Variants in DOCK11 observed in about 807,000 individuals in gnomAD.
The protein encoded by DOCK11 is dedicator of cytokinesis 11.
Under a neutral mutation model 169.1 loss-of-function variants are expected in DOCK11, and 70 were observed. The observed-to-expected ratio is 0.41, with a 90% CI of 0.34 to 0.51. The LOEUF (loss-of-function observed/expected upper bound fraction) is 0.51, where lower values mean the gene tolerates loss of function less well. DOCK11 is among the 20% of genes least tolerant of loss of function. DOCK11 has a pLI of 0.10. For synonymous variants in DOCK11, 529 were observed against 541.3 expected (o/e 0.98, Z 0.32); for missense variants, 1,166 against 1,538.8 (o/e 0.76, Z 4.05).
At chrX:118,568,225 T>C (rs965696985) in intron 10 of DOCK11, 63 bp downstream of exon 10, 4 of 664,191 alleles carry the variant, frequency 6.0e-6, no homozygotes, top group Admixed American at 3.8e-5. Flanking sequence ...AACAACATCT[T>C]TGAAATGTTG....
chrX:118,651,812 C>G, intron 41 of DOCK11, 152 bp from the exon 42 acceptor site: 1 of 337,113 alleles, frequency 3.0e-6, no homozygotes, highest in Non-Finnish European at 5.3e-6. Flanking sequence ...AGAATGTAAA[C>G]CCCTCATGTA....
chrX:118,576,352 C>T (rs774878814), intron 12 of DOCK11, among the ~76,000 whole-genome samples: 4 of 111,534 alleles, frequency 3.6e-5, no homozygotes, highest in South Asian at 3.8e-4. Context: ...TTGTCCTAAA[C>T]GGCCAGACCT....
In DOCK11 at chrX:118,671,041, C is replaced by T. The variant is rs756123732; in HGVS notation, c.5095C>T (p.Leu1699=). The change falls in exon 46 of 53, where the codon CTA becomes TTA. Residue 1699 remains leucine, a synonymous_variant. Transcript: ENST00000276202. ...AATGCAGGAGGTCTTGCTGGAGTTG[C>T]TAGAACAATGTGTGGATGGCTTATG... ...HYSEEVLLEL[L]EQCVDGLWKA... is the part of the protein sequence containing the mutation. 1 of 1,196,515 alleles carries T rather than the reference C, an allele frequency of 8.4e-7. No individual in the cohort carries two copies. The highest frequency in any genetic ancestry group is 1.1e-6 in the Non-Finnish European group (1 of 886,426).
intron 28 of DOCK11, among the ~76,000 whole-genome samples, chrX:118,612,243 A>G (rs1421024748): frequency 1.8e-5 from 2 of 112,119 alleles, no homozygotes; most frequent in African/African-American, 3.2e-5. Flanking sequence ...TAGGTTTCAC[A>G]CATCTTGAGT....
At chrX:118,521,292 G>T (rs983072616) in intron 1 of DOCK11, among the ~76,000 whole-genome samples, 1 of 112,197 alleles carries the variant, frequency 8.9e-6, no homozygotes, top group Non-Finnish European at 1.9e-5. Flanking sequence ...AAATAGGAGT[G>T]ATGGTGATAA....
intron 24 of DOCK11, among the ~76,000 whole-genome samples, chrX:118,606,813 T>C (rs926441277): frequency 3.6e-5 from 4 of 111,602 alleles, no homozygotes; most frequent in Non-Finnish European, 7.5e-5. Flanking sequence ...TTGTTAATCA[T>C]TGAGCTTCAC....
intron 1 of DOCK11, among the ~76,000 whole-genome samples, chrX:118,503,191 C>G (rs1306022169): frequency 1.9e-5 from 2 of 107,665 alleles, no homozygotes; most frequent in Admixed American, 1.0e-4. Flanking sequence ...TCCTGAGTAG[C>G]TGGGATTACA....
chrX:118,542,248 ACAACCT>A (rs1157689639), intron 1 of DOCK11, among the ~76,000 whole-genome samples: 2 of 107,468 alleles, frequency 1.9e-5, no homozygotes. Flanking sequence ...ACGGATCACT[ACAACCT>A]CAACCTCCCA....
intron 18 of DOCK11, 26 bp downstream of exon 18, chrX:118,588,504 A>G (rs745664925): frequency 5.3e-6 from 6 of 1,122,491 alleles, no homozygotes; most frequent in Non-Finnish European, 5.9e-6. Context: ...TGATAGGCAT[A>G]TGTTTTTAGT....
intron 41 of DOCK11, among the ~76,000 whole-genome samples, chrX:118,649,712 A>C (rs1471451236): frequency 3.6e-5 from 4 of 110,140 alleles, no homozygotes; most frequent in Admixed American, 9.7e-5. Flanking sequence ...ACGGGGTTTC[A>C]CCATGTTGGC....
intron 12 of DOCK11, among the ~76,000 whole-genome samples, chrX:118,576,464 A>G (rs767286107): frequency 1.8e-5 from 2 of 112,168 alleles, no homozygotes; most frequent in South Asian, 7.5e-4. Context: ...AACAACCCCA[A>G]AGAGTGTCCC....
At chrX:118,545,035 C>T (rs1167248090) in intron 4 of DOCK11, among the ~76,000 whole-genome samples, 1 of 109,490 alleles carries the variant, frequency 9.1e-6, no homozygotes, top group African/African-American at 3.3e-5. Flanking sequence ...GCACAGGTTC[C>T]TTAGCAACTT....
Position 118,516,018 on chromosome X carries a change from T to TATATATATATATATATATAC in DOCK11, c.102+19946_102+19947insTATATATATATATATATACA, listed in dbSNP as rs1269373292. On this transcript the variant is annotated intron_variant, in intron 1 of 52. Coordinates refer to ENST00000276202, the MANE Select transcript of DOCK11 (RefSeq NM_144658.4). The stretch of plus-strand genomic sequence containing the variant: ...GGATTTGGGCAAATATATATATATA[T>TATATATATATATATATATAC]ACATTCTTACACCAGAAAACTGTGC... Among the ~76,000 whole-genome samples, 98 of 81,462 alleles carry TATATATATATATATATATAC rather than the reference T, an allele frequency of 1.2e-3. 5 individuals are homozygous for TATATATATATATATATATAC. The highest frequency in any genetic ancestry group is 0.012 in the Middle Eastern group (2 of 165). 70.7% of individuals were successfully genotyped at this position (81,462 alleles called of 115,157 possible).
Position 118,588,139 on chromosome X carries a change from TGTATTA to T in DOCK11, c.1799_1804del (p.Cys600_Thr602delinsSer), listed in dbSNP as rs1293640575. 8.5e-7 allele frequency: 1 copy of T among 1,178,690 alleles called. No homozygotes were observed. Among genetic ancestry groups the T allele is most frequent in the Admixed American group, 2.5e-5 (1 of 39,287 alleles). On this transcript the variant is annotated inframe_deletion, in exon 17 of 53. Transcript: ENST00000276202. The stretch of plus-strand genomic sequence containing the variant: ...GCCTGTTTTTTTCCCTGCTATAGAT[TGTATTA>T]CTTCTTCATATGTGCCCTTGAAGCC...
chrX:118,500,669 G>A (rs2057570329), intron 1 of DOCK11, among the ~76,000 whole-genome samples: 1 of 110,309 alleles, frequency 9.1e-6, no homozygotes, highest in African/African-American at 3.3e-5. Flanking sequence ...TACCCAGGTT[G>A]GAGTGCAGTG....
intron 35 of DOCK11, among the ~76,000 whole-genome samples, chrX:118,635,156 G>A (rs998780434): frequency 8.9e-5 from 10 of 111,887 alleles, no homozygotes; most frequent in Admixed American, 5.7e-4. Flanking sequence ...TAACTAAGTC[G>A]ACCTCCCCTG....
In DOCK11 at chrX:118,503,881, T is replaced by C. The variant is rs576297923; in HGVS notation, c.102+7808T>C. Among the ~76,000 whole-genome samples, 70 of 110,979 alleles carry C rather than the reference T, an allele frequency of 6.3e-4. No homozygotes were observed. In the South Asian group the frequency reaches 0.025, roughly 40 times the overall value. ...ACGATCTGGAGGCCAGCCCCAGACT[T>C]CCAGTTAGAATGGGGTGGGGATGGG... On this transcript the variant is annotated intron_variant, in intron 1 of 52. Coordinates refer to ENST00000276202, the MANE Select transcript of DOCK11 (RefSeq NM_144658.4).
At chrX:118,511,276 T>C (rs12845030) in intron 1 of DOCK11, among the ~76,000 whole-genome samples, 14,282 of 111,751 alleles carry the variant, frequency 0.13, 687 homozygotes, top group Middle Eastern at 0.2. Context: ...ACACATTCAC[T>C]ATCTTCACTT....
At chrX:118,599,286 A>G in intron 23 of DOCK11, 58 bp downstream of exon 23, 2 of 885,344 alleles carry the variant, frequency 2.3e-6, no homozygotes, top group Non-Finnish European at 3.2e-6. Flanking sequence ...CTGTTGCCAC[A>G]TTTTGGTGTG....
Sources: gnomAD v4.1 joint callset for allele counts (sites outside exome capture counted in the v4.1 genomes callset) on GRCh38, gnomAD v4.1.1 for gene constraint, MANE v1.5 for transcripts, NCBI Gene and HGNC (gene_info 2026-07-23, HGNC 2026-07-21) for gene names.